Variants in UNC80 observed in about 807,000 individuals in gnomAD.
The protein encoded by UNC80 is unc-80 subunit of NALCN channel complex, also known as protein unc-80 homolog.
A neutral mutation model predicts 384.6 loss-of-function variants in UNC80; 164 were observed. The ratio of observed to expected loss-of-function variants is 0.43; its 90% confidence interval spans 0.38 to 0.49. The LOEUF is 0.49. Among genes scored for constraint, UNC80 ranks in the 20% least tolerant of loss-of-function variants. UNC80 has a pLI of 0.00. For missense variants in UNC80, 3,330 were observed against 4,143.0 expected (o/e 0.80, Z 5.39); for synonymous variants, 1,486 against 1,527.8 (o/e 0.97, Z 0.64).
chr2:209,820,568 T>A lies in UNC80; in HGVS notation c.2220T>A (p.Gly740=), dbSNP rs374313755. Residue 740 remains glycine (G), a synonymous_variant, in exon 13 of 65, where the codon GGT becomes GGA. Transcript: ENST00000673920. ...CTGCTGTTAGTGGAGCTGGAGATGG[T>A]GGAGGAGAAGAAGGAGGAGGTGGAG... ...GGPAVSGAGD[G]GGEEGGGGDG... 719 of 1,550,950 alleles carry A rather than the reference T, an allele frequency of 4.6e-4. 9 individuals carry two copies. In the South Asian group the frequency reaches 7.9e-3, roughly 17 times the overall value.
intron 22 of UNC80, among the ~76,000 whole-genome samples, chr2:209,866,533 C>CACATACACACAGAG (rs1307214321): frequency 2.9e-5 from 3 of 104,086 alleles, no homozygotes; most frequent in East Asian, 2.6e-4. Context: ...CACACACACA[C>CACATACACACAGAG]AGAGAGAGAG....
intron 8 of UNC80, among the ~76,000 whole-genome samples, chr2:209,814,132 A>G (rs747825124): frequency 2.0e-5 from 3 of 152,238 alleles, no homozygotes; most frequent in Non-Finnish European, 4.4e-5. Context: ...AGTAATTAAT[A>G]GAGAGTTCTG....
At chr2:209,848,901 A>G (rs1316819064) in intron 21 of UNC80, among the ~76,000 whole-genome samples, 1 of 152,130 alleles carries the variant, frequency 6.6e-6, no homozygotes, top group Non-Finnish European at 1.5e-5. Flanking sequence ...CTATGAATGC[A>G]AATTGTTAGA....
chr2:209,946,089 G>GA, intron 47 of UNC80, 146 bp downstream of exon 47: 3 of 652,628 alleles, frequency 4.6e-6, no homozygotes, highest in Non-Finnish European at 7.8e-6. Context: ...GGCCAGGTGT[G>GA]GTGGCTCACA....
At chr2:209,816,100 G>A (rs2079716883) in intron 9 of UNC80, among the ~76,000 whole-genome samples, 2 of 152,136 alleles carry the variant, frequency 1.3e-5, no homozygotes, top group African/African-American at 2.4e-5. Flanking sequence ...TGTTAATGAT[G>A]CAACAAAAGA....
In UNC80 at chr2:209,859,701, C is replaced by G. The variant is rs148812039; in HGVS notation, c.3627+10078C>G. On this transcript the variant is annotated intron_variant, in intron 22 of 64. Coordinates refer to ENST00000673920, the MANE Select transcript of UNC80 (RefSeq NM_001371986.1). ...CAGCCTCACCAGCATCTATTGTTTC[C>G]TGACTTTTTAATAATCTCCACTCTG... 5.3e-3 allele frequency among the ~76,000 whole-genome samples: 809 copies of G among 152,250 alleles called. 9 individuals carry two copies. The highest frequency in any genetic ancestry group is 0.018 in the African/African-American group (759 of 41,548).
In UNC80 at chr2:209,926,992, G is replaced by A. The variant is rs1414030349; in HGVS notation, c.5806+6G>A. 15 of 1,551,332 alleles carry A rather than the reference G, an allele frequency of 9.7e-6. No homozygotes were observed. The highest frequency in any genetic ancestry group is 1.3e-5 in the Non-Finnish European group (15 of 1,146,810). On this transcript the variant is annotated splice_donor_region_variant and intron_variant, in intron 36 of 64. Transcript: ENST00000673920. ...GCGGGAAGATGGAGTAGCAGGTACAGTTTTGAACAGTCAGATCATCAGTGA... is the reference window on the plus strand; with the variant it reads ...GCGGGAAGATGGAGTAGCAGGTACAATTTTGAACAGTCAGATCATCAGTGA...
chr2:209,976,246 C>T lies in UNC80; in HGVS notation c.8715C>T (p.Phe2905=). ...TGGCCCTTTGGGATTTCCTCGACTTCATCGTGCGGACCCGAATACCCATCT... is the reference window on the plus strand; with the variant it reads ...TGGCCCTTTGGGATTTCCTCGACTTTATCGTGCGGACCCGAATACCCATCT... The part of the protein sequence containing the change: ...GGLALWDFLD[F]IVRTRIPIFV... Residue 2905 remains phenylalanine, a synonymous_variant, in exon 57 of 65, where the codon TTC becomes TTT. Coordinates refer to ENST00000673920, the MANE Select transcript of UNC80 (RefSeq NM_001371986.1). This position sits in a 1 kb window ranked among gnomAD's most constrained non-coding sequence, Gnocchi z 4.3. 6.4e-7 allele frequency: 1 copy of T among 1,551,702 alleles called. No homozygotes were observed. Among genetic ancestry groups the T allele is most frequent in the Non-Finnish European group, 8.7e-7 (1 of 1,146,988 alleles).
At chr2:209,877,571 C>T (rs902808092) in intron 23 of UNC80, among the ~76,000 whole-genome samples, 1 of 152,164 alleles carries the variant, frequency 6.6e-6, no homozygotes, top group African/African-American at 2.4e-5. Context: ...ATCAGAAGCA[C>T]TCTGAGGAAC....
chr2:209,933,770 G>A, intron 38 of UNC80, 52 bp from the exon 39 acceptor site: 2 of 1,455,538 alleles, frequency 1.4e-6, no homozygotes, highest in Non-Finnish European at 1.8e-6. Context: ...AAATGAGAAT[G>A]TGAGCTCGGG....
At position 209,977,089 on chromosome 2, in the gene UNC80, A is replaced by C. The variant is rs755361395; in HGVS notation, c.8938+11A>C. 1.4e-6 allele frequency: 2 copies of C among 1,481,284 alleles called. No individual in the cohort carries two copies. The highest frequency in any genetic ancestry group is 2.8e-5 in the African/African-American group (2 of 72,168). The allele number at this position is 1,481,284 out of a possible 1,614,324, so 91.8% of individuals were successfully genotyped here. On this transcript the variant is annotated intron_variant, in intron 58 of 64. Transcript: ENST00000673920. ...TTCATAGTGGATCAGGTGAGTGTGCATGAGAGTGTTGTGAATTTGTTTGAC... is the reference window on the plus strand; with the variant it reads ...TTCATAGTGGATCAGGTGAGTGTGCCTGAGAGTGTTGTGAATTTGTTTGAC...
chr2:209,850,305 A>G (rs1289132891), intron 22 of UNC80, among the ~76,000 whole-genome samples: 3 of 152,144 alleles, frequency 2.0e-5, no homozygotes, highest in Non-Finnish European at 2.9e-5. Flanking sequence ...TAAAGTCTTC[A>G]TATGATGCAT....
chr2:209,787,233 G>A (rs1010225284), intron 5 of UNC80, among the ~76,000 whole-genome samples: 1 of 119,368 alleles, frequency 8.4e-6, no homozygotes, highest in Non-Finnish European at 1.6e-5. Flanking sequence ...CTTCCTTCTC[G>A]GCACCAGTTT....
intron 61 of UNC80, among the ~76,000 whole-genome samples, 165 bp from the exon 62 acceptor site, chr2:209,992,001 C>G (rs1428635952): frequency 1.3e-5 from 2 of 152,120 alleles, no homozygotes; most frequent in African/African-American, 4.8e-5. Flanking sequence ...GTCCTCCCTC[C>G]CAAACATTTG....
chr2:209,778,604 A>C (rs1485731369), intron 4 of UNC80, among the ~76,000 whole-genome samples: 3 of 152,226 alleles, frequency 2.0e-5, no homozygotes, highest in Non-Finnish European at 4.4e-5. Context: ...ATCACTTTTT[A>C]GCTGTGTGAT....
Position 209,999,291 on chromosome 2 carries a change from A to G in UNC80, c.*3696A>G, listed in dbSNP as rs1052529626. ...CATATGATAAAATAAATCTAAAAAC[A>G]TTAAAGATGCCTAAGTTTCATTTCT... On this transcript the variant is annotated 3_prime_UTR_variant, in exon 65 of 65. Transcript: ENST00000673920. The G allele has an allele frequency of 1.3e-5, 2 of 152,236 alleles. No individual in the cohort carries two copies. The highest frequency in any genetic ancestry group is 4.8e-5 in the African/African-American group (2 of 41,468). The allele number at this position is 152,236 out of a possible 1,614,324, so 9.4% of individuals were successfully genotyped here. A position where few individuals can be genotyped will look rare whatever the true frequency, so the allele number is the denominator to read the frequency against.
chr2:209,933,096 A>G (rs986657467), intron 38 of UNC80, among the ~76,000 whole-genome samples: 6 of 152,226 alleles, frequency 3.9e-5, no homozygotes, highest in Non-Finnish European at 8.8e-5. Context: ...ATTGAATAGG[A>G]TAATTGAAAG....
Position 209,881,047 on chromosome 2 carries a change from C to T in UNC80, c.4063C>T (p.Arg1355Ter), listed in dbSNP as rs750226213. 2 of 1,551,744 alleles carry T rather than the reference C, an allele frequency of 1.3e-6. No homozygotes were observed. The highest frequency in any genetic ancestry group is 2.0e-5 in the Admixed American group (1 of 50,998). Residue 1355 changes from arginine to a stop codon, truncating the protein, a stop_gained, in exon 25 of 65, where the codon CGA becomes TGA. Coordinates refer to ENST00000673920, the MANE Select transcript of UNC80 (RefSeq NM_001371986.1). LOFTEE classifies it high-confidence loss of function. ...QLLLEITTFLRETFSCLPRPR... is the reference protein window; with the variant it reads ...QLLLEITTFL ...TCTTCTGGAGATTACCACCTTCCTGCGAGAGACCTTTTCTTGCCTGCCCAG... is the reference window on the plus strand; with the variant it reads ...TCTTCTGGAGATTACCACCTTCCTGTGAGAGACCTTTTCTTGCCTGCCCAG...
intron 22 of UNC80, among the ~76,000 whole-genome samples, chr2:209,863,627 A>G (rs986110275): frequency 6.6e-6 from 1 of 151,488 alleles, no homozygotes; most frequent in African/African-American, 2.4e-5. Flanking sequence ...TGGTCGATTC[A>G]GCTATTGATA....
Sources: gnomAD v4.1 joint callset for allele counts (sites outside exome capture counted in the v4.1 genomes callset) on GRCh38, gnomAD v4.1.1 for gene constraint, Gnocchi (gnomAD v3.1) non-coding constraint, MANE v1.5 for transcripts, NCBI Gene and HGNC (gene_info 2026-07-23, HGNC 2026-07-21) for gene names.